The following BMPER variants were observed in gnomAD, a reference collection of about 807,000 sequenced individuals.
The protein encoded by BMPER is BMP binding endothelial regulator.
BMPER carries 45 observed loss-of-function variants against 87.3 expected under a neutral mutation model. The ratio of observed to expected loss-of-function variants is 0.52; its 90% confidence interval spans 0.41 to 0.66. The LOEUF (loss-of-function observed/expected upper bound fraction) is 0.66. BMPER is among the 30% of genes least tolerant of loss of function. The pLI is 0.00. For synonymous variants in BMPER, 326 were observed against 316.2 expected, an observed-to-expected ratio of 1.03 and a Z score of -0.33; for missense variants, 784 against 867.5, an observed-to-expected ratio of 0.90 and a Z score of 1.21.
intron 6 of BMPER, among the ~76,000 whole-genome samples, chr7:34,031,423 G>T (rs1324656369): frequency 1.3e-5 from 2 of 152,038 alleles, no homozygotes; most frequent in Admixed American, 1.3e-4. Flanking sequence ...TATTGTGACA[G>T]CAGCTGTCAT....
At chr7:33,977,753 TAC>T (rs1009554842) in intron 6 of BMPER, among the ~76,000 whole-genome samples, 2 of 152,202 alleles carry the variant, frequency 1.3e-5, no homozygotes, top group African/African-American at 4.8e-5. Context: ...CATGTATCTA[TAC>T]ACACATATAT....
At chr7:34,026,122 C>T (rs992358856) in intron 6 of BMPER, among the ~76,000 whole-genome samples, 1 of 152,000 alleles carries the variant, frequency 6.6e-6, no homozygotes, top group East Asian at 1.9e-4. Flanking sequence ...TCCAGTCCCT[C>T]TGGTGAGCTG....
chr7:33,933,557 G>T (rs1000773571), intron 2 of BMPER, among the ~76,000 whole-genome samples: 3 of 151,478 alleles, frequency 2.0e-5, no homozygotes, highest in Non-Finnish European at 4.4e-5. Flanking sequence ...TTGGGGAAAA[G>T]TGTTTGAGGA....
intron 5 of BMPER, among the ~76,000 whole-genome samples, chr7:33,971,955 TAC>T (rs1785559619): frequency 6.6e-6 from 1 of 152,208 alleles, no homozygotes; most frequent in East Asian, 1.9e-4. Flanking sequence ...CCGGCTGAAG[TAC>T]AGTGGTGTGA....
intron 13 of BMPER, among the ~76,000 whole-genome samples, chr7:34,090,559 G>A (rs1789352634): frequency 1.3e-5 from 2 of 152,176 alleles, no homozygotes; most frequent in Non-Finnish European, 2.9e-5. Context: ...CAAGCCCTGG[G>A]CAGCCTGGGG....
At chr7:33,956,686 T>A (rs1489777954) in intron 3 of BMPER, among the ~76,000 whole-genome samples, 2 of 152,210 alleles carry the variant, frequency 1.3e-5, no homozygotes, top group Admixed American at 1.3e-4. Context: ...GATTATCCAC[T>A]TCTACTTAAT....
chr7:34,046,636 T>C (rs909407118), intron 7 of BMPER, among the ~76,000 whole-genome samples: 1 of 152,210 alleles, frequency 6.6e-6, no homozygotes, highest in Non-Finnish European at 1.5e-5. Context: ...TGTAACTGGG[T>C]ACACCAGATG....
intron 3 of BMPER, among the ~76,000 whole-genome samples, chr7:33,942,960 C>T (rs1784804029): frequency 1.3e-5 from 2 of 152,116 alleles, no homozygotes; most frequent in Non-Finnish European, 2.9e-5. Flanking sequence ...GACCTGAACC[C>T]CAAGAACTGG....
At chr7:33,966,429 A>G in intron 3 of BMPER, 50 bp from the exon 4 acceptor site, 1 of 1,488,822 alleles carries the variant, frequency 6.7e-7, no homozygotes, top group South Asian at 1.1e-5. Flanking sequence ...GGTAAAGGAA[A>G]CCCATACCCA....
chr7:33,930,968 C>A (rs1424883353), intron 2 of BMPER, among the ~76,000 whole-genome samples: 1 of 152,114 alleles, frequency 6.6e-6, no homozygotes, highest in African/African-American at 2.4e-5. Context: ...GCAATGAAAT[C>A]TGGCCCCTTT....
chr7:34,119,014 T>TCTCTCTCTCACA (rs66493349), intron 13 of BMPER, among the ~76,000 whole-genome samples: 6 of 135,712 alleles, frequency 4.4e-5, no homozygotes, highest in African/African-American at 1.6e-4. Context: ...TCTCTCTCTC[T>TCTCTCTCTCACA]CACACACACA....
rs551110865 is a variant in BMPER, at chr7:34,047,609, G to A, written c.676+1204G>A. Among the ~76,000 whole-genome samples, 103 of 152,112 alleles carry A rather than the reference G, an allele frequency of 6.8e-4. 1 individual carries two copies. In the South Asian group the frequency reaches 7.1e-3, roughly 10 times the overall value. On this transcript the variant is annotated intron_variant, in intron 7 of 14. Transcript: ENST00000649409. The stretch of plus-strand genomic sequence containing the variant: ...CCTTCTTAATGATTCCTGGGCTCTT[G>A]AGCAAGTTGAGGTCAGACTATTAAG...
chr7:33,905,465 GC>G (rs1231694084), upstream of BMPER: 4 of 96,844 alleles, frequency 4.1e-5, no homozygotes, highest in Non-Finnish European at 7.7e-5. Context: ...ACACCCCCCC[GC>G]CCCCCAGCTC....
rs186031862 is a variant in BMPER, at chr7:34,009,985, T to C, written c.576+35201T>C. On this transcript the variant is annotated intron_variant, in intron 6 of 14. Coordinates refer to ENST00000649409, the MANE Select transcript of BMPER (RefSeq NM_001365308.1). ...TAATTATGATGAGATACCATGTTTT[T>C]CCCAGCTTCCTCCTTCCTTATGCTG... 6.7e-3 allele frequency among the ~76,000 whole-genome samples: 1,012 copies of C among 152,066 alleles called. 6 individuals are homozygous for C. The highest frequency in any genetic ancestry group is 9.6e-3 in the Non-Finnish European group (651 of 67,914).
Position 33,975,980 on chromosome 7 carries a change from C to A in BMPER, c.576+1196C>A, listed in dbSNP as rs115060328. On this transcript the variant is annotated intron_variant, in intron 6 of 14. Coordinates refer to ENST00000649409, the MANE Select transcript of BMPER (RefSeq NM_001365308.1). ...GGAGGAAGAGAGTATATATGTATAT[C>A]TCTATATATCTAGATATAAAACATA... 8.6e-3 allele frequency among the ~76,000 whole-genome samples: 1,309 copies of A among 151,776 alleles called. 16 individuals are homozygous for A. The highest frequency in any genetic ancestry group is 0.03 in the African/African-American group (1,237 of 41,354).
rs151212780 is a variant in BMPER at position 33,970,631 on chromosome 7, T to C, written c.493+212T>C. Among the ~76,000 whole-genome samples, 424 of 152,146 alleles carry C rather than the reference T, an allele frequency of 2.8e-3. 13 individuals carry two copies. The East Asian group carries it at 0.069, about 25-fold the overall frequency. On this transcript the variant is annotated intron_variant, in intron 5 of 14. Coordinates refer to ENST00000649409, the MANE Select transcript of BMPER (RefSeq NM_001365308.1). ...TGTGCTGGAGGTCCTGGCATGGGGG[T>C]TCTCCAGGCTCCGAGGCCTGCTTTC...
chr7:34,044,144 G>C (rs993091023), intron 6 of BMPER, among the ~76,000 whole-genome samples: 2 of 152,158 alleles, frequency 1.3e-5, no homozygotes, highest in African/African-American at 4.8e-5. Context: ...TGGAGTTCAA[G>C]TTACTTTAAC....
At chr7:33,947,137 A>G (rs1014789261) in intron 3 of BMPER, among the ~76,000 whole-genome samples, 9 of 152,228 alleles carry the variant, frequency 5.9e-5, no homozygotes, top group Admixed American at 2.6e-4. Context: ...AAAAAACTCA[A>G]TATTGTTTGA....
intron 11 of BMPER, among the ~76,000 whole-genome samples, chr7:34,074,320 T>C (rs1788808769): frequency 6.6e-6 from 1 of 152,152 alleles, no homozygotes; most frequent in South Asian, 2.1e-4. Context: ...TGGTGGATCA[T>C]GTGCTGACCC....
Sources: gnomAD v4.1 joint callset for allele counts (sites outside exome capture counted in the v4.1 genomes callset) on GRCh38, gnomAD v4.1.1 for gene constraint, MANE v1.5 for transcripts, NCBI Gene and HGNC (gene_info 2026-07-23, HGNC 2026-07-21) for gene names.